EML4: variants seen among roughly 807,000 people sequenced by gnomAD.
EML4 encodes echinoderm microtubule-associated protein-like 4.
Under a neutral mutation model 129.0 loss-of-function variants are expected in EML4, and 72 were observed. The observed-to-expected ratio is 0.56, with a 90% CI of 0.46 to 0.68. The LOEUF is 0.68. EML4 is among the 30% of genes least tolerant of loss of function. The probability of loss-of-function intolerance (pLI) is 0.00; values close to 1 mark genes in which losing one functional copy is unlikely to be tolerated. For synonymous variants in EML4, 532 were observed against 405.0 expected (o/e 1.31, Z -3.77); for missense variants, 1,363 against 1,190.6 (o/e 1.14, Z -2.13).
chr2:42,231,645 A>G (rs1289200730), intron 1 of EML4, among the ~76,000 whole-genome samples: 1 of 152,116 alleles, frequency 6.6e-6, no homozygotes, highest in Admixed American at 6.6e-5. Context: ...CTTGAGTATC[A>G]TCTATTAAAA....
chr2:42,220,476 A>T (rs1673515932), intron 1 of EML4, among the ~76,000 whole-genome samples: 2 of 152,182 alleles, frequency 1.3e-5, no homozygotes, highest in Non-Finnish European at 1.5e-5. Flanking sequence ...CACCCATTTA[A>T]GATAGCCTAC....
At chr2:42,269,279 C>T (rs190737072) in intron 6 of EML4, among the ~76,000 whole-genome samples, 8 of 152,306 alleles carry the variant, frequency 5.3e-5, no homozygotes, top group African/African-American at 1.9e-4. Context: ...AAAACGAACT[C>T]ATTTATAAAA....
intron 1 of EML4, among the ~76,000 whole-genome samples, chr2:42,215,980 G>A (rs936570334): frequency 1.3e-5 from 2 of 151,810 alleles, no homozygotes; most frequent in African/African-American, 4.8e-5. Context: ...GAGTGCAGAG[G>A]CACGATCTCA....
intron 1 of EML4, among the ~76,000 whole-genome samples, chr2:42,214,516 G>A (rs372990597): frequency 8.6e-5 from 13 of 151,788 alleles, no homozygotes; most frequent in African/African-American, 3.1e-4. Context: ...AATATTTAGT[G>A]ATTAATATAC....
chr2:42,301,571 C>T (rs922653035), intron 14 of EML4, among the ~76,000 whole-genome samples, 179 bp downstream of exon 14: 4 of 151,578 alleles, frequency 2.6e-5, no homozygotes, highest in Non-Finnish European at 4.4e-5. Flanking sequence ...AAAAAAAGAC[C>T]ATTAAAATAA....
intron 6 of EML4, among the ~76,000 whole-genome samples, chr2:42,278,092 A>C (rs979702439): frequency 2.0e-5 from 3 of 152,184 alleles, no homozygotes; most frequent in African/African-American, 7.2e-5. Context: ...CATGCCAGAC[A>C]AGTTGGCAAG....
intron 1 of EML4, among the ~76,000 whole-genome samples, chr2:42,210,674 A>G (rs1164766338): frequency 6.6e-6 from 1 of 152,140 alleles, no homozygotes; most frequent in African/African-American, 2.4e-5. Context: ...GTATGGACTC[A>G]TGGATATTTT....
chr2:42,287,174 C>T (rs1667353691), intron 10 of EML4, among the ~76,000 whole-genome samples: 1 of 152,068 alleles, frequency 6.6e-6, no homozygotes, highest in African/African-American at 2.4e-5. Flanking sequence ...TTTTGTGGGA[C>T]ATGGAGGAAA....
At chr2:42,221,082 A>T (rs1177073384) in intron 1 of EML4, among the ~76,000 whole-genome samples, 1 of 152,202 alleles carries the variant, frequency 6.6e-6, no homozygotes. Context: ...GCAGCAGGTT[A>T]TCTAGAAGAT....
At chr2:42,241,368 A>G (rs1042403623) in intron 1 of EML4, among the ~76,000 whole-genome samples, 1 of 152,210 alleles carries the variant, frequency 6.6e-6, no homozygotes, top group Non-Finnish European at 1.5e-5. Context: ...TGCCTTGGCT[A>G]TAGTGACCCT....
chr2:42,247,941 C>T (rs942186007), intron 2 of EML4, among the ~76,000 whole-genome samples: 3 of 151,946 alleles, frequency 2.0e-5, no homozygotes, highest in Admixed American at 6.6e-5. Context: ...AAAATGATAA[C>T]GATGTTTGAT....
chr2:42,219,785 C>T (rs886973008), intron 1 of EML4, among the ~76,000 whole-genome samples: 11 of 150,766 alleles, frequency 7.3e-5, no homozygotes, highest in African/African-American at 2.4e-4. Flanking sequence ...ATTAGCCGGG[C>T]GTAAGGGGCG....
chr2:42,272,387 T>C (rs561499860), intron 6 of EML4, among the ~76,000 whole-genome samples: 1 of 152,338 alleles, frequency 6.6e-6, no homozygotes, highest in South Asian at 2.1e-4. Flanking sequence ...TTTTAATGTT[T>C]CTAAAAATAT....
At chr2:42,255,688 G>A (rs1005655955) in intron 2 of EML4, among the ~76,000 whole-genome samples, 6 of 152,102 alleles carry the variant, frequency 3.9e-5, no homozygotes, top group African/African-American at 1.4e-4. Flanking sequence ...AATGCAGCAG[G>A]TCTCCTGCTT....
chr2:42,229,553 TCAC>T (rs1674189265), intron 1 of EML4, among the ~76,000 whole-genome samples: 1 of 152,148 alleles, frequency 6.6e-6, no homozygotes, highest in Non-Finnish European at 1.5e-5. Flanking sequence ...AGTCACCCAT[TCAC>T]CACGAGAGAG....
intron 1 of EML4, among the ~76,000 whole-genome samples, chr2:42,237,559 C>G (rs566897090): frequency 6.6e-6 from 1 of 152,166 alleles, no homozygotes; most frequent in East Asian, 1.9e-4. Context: ...GGTGCCAACT[C>G]CCTCCCTCTC....
intron 4 of EML4, among the ~76,000 whole-genome samples, chr2:42,262,513 C>A (rs950786134): frequency 6.6e-6 from 1 of 152,058 alleles, no homozygotes; most frequent in Non-Finnish European, 1.5e-5. Context: ...AATGTGCTTG[C>A]CCTCCTAAAT....
intron 6 of EML4, among the ~76,000 whole-genome samples, chr2:42,273,808 T>G (rs1424541796): frequency 6.6e-6 from 1 of 152,154 alleles, no homozygotes; most frequent in Non-Finnish European, 1.5e-5. Context: ...CCCTTTTAGT[T>G]TATTTGGTTA....
intron 11 of EML4, among the ~76,000 whole-genome samples, chr2:42,291,941 C>G (rs1022172009): frequency 6.6e-6 from 1 of 152,110 alleles, no homozygotes; most frequent in Non-Finnish European, 1.5e-5. Flanking sequence ...AAGTGCAATA[C>G]CACTATGCAC....
Sources: allele counts gnomAD v4.1 joint callset (sites outside exome capture counted in the v4.1 genomes callset), GRCh38; gene constraint gnomAD v4.1.1; transcripts MANE v1.5; gene names NCBI Gene and HGNC (gene_info 2026-07-23, HGNC 2026-07-21).